PTPRG: variants seen among roughly 807,000 people sequenced by gnomAD.
The protein encoded by PTPRG is receptor-type tyrosine-protein phosphatase gamma.
In PTPRG, 102 loss-of-function variants were observed where a neutral mutation model predicts 165.3. The ratio of observed to expected loss-of-function variants is 0.62; its 90% CI spans 0.53 to 0.73. The LOEUF is 0.73. Among genes scored for constraint, PTPRG ranks in the 30% least tolerant of loss-of-function variants. The probability of loss-of-function intolerance (pLI) is 0.00; values close to 1 mark genes in which losing one functional copy is unlikely to be tolerated. For missense variants in PTPRG, 1,866 were observed against 1,861.4 expected (o/e 1.00, Z -0.05); for synonymous variants, 675 against 669.5 (o/e 1.01, Z -0.13).
chr3:61,611,916 C>CA (rs1362877438), intron 1 of PTPRG, among the ~76,000 whole-genome samples: 1 of 152,110 alleles, frequency 6.6e-6, no homozygotes, highest in African/African-American at 2.4e-5. Context: ...AGCAGCAGGT[C>CA]AGAGTTTGTT....
In PTPRG at chr3:62,008,339, G is replaced by C. The variant is rs535647753; in HGVS notation, c.519+4842G>C. On this transcript the variant is annotated intron_variant, in intron 4 of 29. Transcript: ENST00000474889. Reference sequence around the variant, plus strand: ...CTTATTTATGACAATAAAAGATCACGGGAGTTGTTGATTCAGACTTACTGG... The same window carrying C: ...CTTATTTATGACAATAAAAGATCACCGGAGTTGTTGATTCAGACTTACTGG... Among the ~76,000 whole-genome samples, 17 of 152,272 alleles carry C rather than the reference G, an allele frequency of 1.1e-4. 1 individual carries two copies. Among genetic ancestry groups the C allele is most frequent in the South Asian group, 4.1e-4 (2 of 4,824 alleles).
At position 61,967,565 on chromosome 3, in the gene PTPRG, C is replaced by T. The variant is rs529534142; in HGVS notation, c.191-22060C>T. Among the ~76,000 whole-genome samples, 3 of 152,230 alleles carry T rather than the reference C, an allele frequency of 2.0e-5. No individual in the cohort carries two copies. In the East Asian group the frequency reaches 5.8e-4, roughly 29 times the overall value. On this transcript the variant is annotated intron_variant, in intron 2 of 29. Coordinates refer to ENST00000474889, the MANE Select transcript of PTPRG (RefSeq NM_002841.4). ...TTAGATGTCTAAATTCATTCCCTTA[C>T]TGGGAAGGAAAGGTATATAGTTAAA...
At chr3:61,667,250 A>G (rs1702835022) in intron 1 of PTPRG, among the ~76,000 whole-genome samples, 1 of 152,200 alleles carries the variant, frequency 6.6e-6, no homozygotes, top group Non-Finnish European at 1.5e-5. Context: ...TGCATAGCTT[A>G]TGGATTTGGT....
At chr3:62,013,905 T>C (rs560000353) in intron 4 of PTPRG, among the ~76,000 whole-genome samples, 1 of 152,120 alleles carries the variant, frequency 6.6e-6, no homozygotes, top group Non-Finnish European at 1.5e-5. Flanking sequence ...GGAACTCAAA[T>C]AAAGCTGGCT....
chr3:61,971,192 C>T (rs1365657945), intron 2 of PTPRG, among the ~76,000 whole-genome samples: 1 of 152,168 alleles, frequency 6.6e-6, no homozygotes, highest in Non-Finnish European at 1.5e-5. Flanking sequence ...AGCTGGATTA[C>T]AGGCATCTGC....
At chr3:62,107,201 A>G (rs947475813) in intron 5 of PTPRG, among the ~76,000 whole-genome samples, 3 of 152,242 alleles carry the variant, frequency 2.0e-5, no homozygotes, top group Non-Finnish European at 4.4e-5. Flanking sequence ...TCTTGTCACT[A>G]GAATCAGATT....
At chr3:61,885,664 C>CTCCTT (rs2038010290) in intron 2 of PTPRG, among the ~76,000 whole-genome samples, 1 of 37,854 alleles carries the variant, frequency 2.6e-5, no homozygotes, top group Admixed American at 1.7e-4. Context: ...CTTCTCTCCT[C>CTCCTT]TCCTCTCCTC....
chr3:61,820,608 T>TTTTTTTG (rs1210752424), intron 2 of PTPRG, among the ~76,000 whole-genome samples: 5 of 144,828 alleles, frequency 3.5e-5, no homozygotes, highest in African/African-American at 5.2e-5. Context: ...TCTCTGTTTT[T>TTTTTTTG]TTTTTTTTTT....
At chr3:61,783,063 C>T (rs892733492) in intron 2 of PTPRG, among the ~76,000 whole-genome samples, 3 of 152,152 alleles carry the variant, frequency 2.0e-5, no homozygotes, top group Non-Finnish European at 2.9e-5. Context: ...GCCTCAGCCT[C>T]CTAAAATACT....
chr3:62,040,253 T>C (rs994825778), intron 4 of PTPRG, among the ~76,000 whole-genome samples: 7 of 152,380 alleles, frequency 4.6e-5, no homozygotes, highest in Admixed American at 4.6e-4. Flanking sequence ...AGACAATTTC[T>C]GCCCAAATAT....
intron 14 of PTPRG, among the ~76,000 whole-genome samples, chr3:62,243,037 C>T (rs1339801969): frequency 1.3e-5 from 2 of 151,960 alleles, no homozygotes; most frequent in Non-Finnish European, 2.9e-5. Flanking sequence ...CCTGTGCTTC[C>T]GGCAGCTCAT....
At chr3:61,878,514 G>A (rs1175527727) in intron 2 of PTPRG, among the ~76,000 whole-genome samples, 1 of 152,126 alleles carries the variant, frequency 6.6e-6, no homozygotes, top group Non-Finnish European at 1.5e-5. Flanking sequence ...CATTAAGACA[G>A]GTAGGGTATC....
intron 1 of PTPRG, among the ~76,000 whole-genome samples, chr3:61,580,491 C>T (rs1162932134): frequency 1.3e-5 from 2 of 151,490 alleles, no homozygotes; most frequent in East Asian, 3.9e-4. Context: ...AGAGATTCTC[C>T]TGCCTCAGCT....
chr3:61,668,251 G>A (rs1702862739), intron 1 of PTPRG, among the ~76,000 whole-genome samples: 1 of 152,154 alleles, frequency 6.6e-6, no homozygotes. Flanking sequence ...GAAGGTCCAA[G>A]TATTTGGTGC....
intron 1 of PTPRG, among the ~76,000 whole-genome samples, chr3:61,575,209 T>C (rs918126564): frequency 1.3e-5 from 2 of 152,188 alleles, no homozygotes; most frequent in Non-Finnish European, 2.9e-5. Flanking sequence ...TTTCTGCTGC[T>C]CCTTATGATG....
intron 4 of PTPRG, among the ~76,000 whole-genome samples, chr3:62,012,196 C>T (rs1048024715): frequency 2.0e-5 from 3 of 152,174 alleles, no homozygotes; most frequent in Admixed American, 1.3e-4. Flanking sequence ...TTCTTATACC[C>T]ATCTTAAAGA....
At chr3:62,046,405 G>T (rs527957893) in intron 4 of PTPRG, among the ~76,000 whole-genome samples, 1 of 152,042 alleles carries the variant, frequency 6.6e-6, no homozygotes, top group Admixed American at 6.6e-5. Flanking sequence ...CTTTAGAGAG[G>T]TCAATAGCAG....
At chr3:62,197,806 G>A (rs1343524642) in intron 10 of PTPRG, among the ~76,000 whole-genome samples, 5 of 152,196 alleles carry the variant, frequency 3.3e-5, no homozygotes, top group Non-Finnish European at 7.3e-5. Flanking sequence ...GGCCCTGTCA[G>A]CTAATAAGTT....
Position 62,277,691 on chromosome 3 carries a change from A to T in PTPRG, c.3765+12A>T. On this transcript the variant is annotated intron_variant, in intron 26 of 29. Transcript: ENST00000474889. The stretch of plus-strand genomic sequence containing the variant: ...ACAACCAGAGCTTGGTAAGTAAAGC[A>T]CATCTGCTATATATTAATGAGCCCA... The T allele has an allele frequency of 6.2e-7, 1 of 1,611,564 alleles. No individual in the cohort carries two copies. Among genetic ancestry groups the T allele is most frequent in the Non-Finnish European group, 8.5e-7 (1 of 1,178,968 alleles).
Sources: allele counts gnomAD v4.1 joint callset (sites outside exome capture counted in the v4.1 genomes callset), GRCh38; gene constraint gnomAD v4.1.1; transcripts MANE v1.5; gene names NCBI Gene and HGNC (gene_info 2026-07-23, HGNC 2026-07-21).